The following UGT3A1 variants were observed in gnomAD, a reference collection of about 807,000 sequenced individuals.
UGT3A1 encodes the protein UDP-glycosyltransferase 3A1.
UGT3A1 carries 40 observed loss-of-function variants against 37.6 expected under a neutral mutation model. That is an observed-to-expected ratio of 1.06 (90% CI 0.83 to 1.38). UGT3A1 has a LOEUF of 1.38. Among genes scored for constraint, UGT3A1 ranks in the 40% most tolerant of loss-of-function variants. The pLI, the probability that UGT3A1 is intolerant of heterozygous loss-of-function variation, is 0.00. For synonymous variants in UGT3A1, 256 were observed against 232.3 expected (o/e 1.10, Z -0.93); for missense variants, 642 against 634.2 (o/e 1.01, Z -0.13).
intron 2 of UGT3A1, among the ~76,000 whole-genome samples, chr5:35,971,275 G>A (rs752010564): frequency 8.6e-5 from 13 of 152,024 alleles, no homozygotes; most frequent in East Asian, 5.8e-4. Context: ...ACAAAGGAAC[G>A]CACAAAAAGG....
upstream of UGT3A1, chr5:35,991,552 C>T: frequency 2.7e-6 from 3 of 1,113,706 alleles, no homozygotes; most frequent in Non-Finnish European, 3.3e-6. Context: ...CTGGAAAATC[C>T]TTACTAAGAG....
At chr5:35,971,615 T>G (rs1487648869) in intron 2 of UGT3A1, among the ~76,000 whole-genome samples, 5 of 152,062 alleles carry the variant, frequency 3.3e-5, no homozygotes, top group Non-Finnish European at 2.9e-5. Context: ...GAAGACCCAC[T>G]CTCTCCCTTT....
At position 35,990,091 on chromosome 5, in the gene UGT3A1, CA is replaced by C. The variant is rs397975621; in HGVS notation, c.94+1055del. ...TGGGCGACAGAGCAAGACTCCGTCT[CA>C]AAAAAAAAAAAAAAAAGAAAGAAAA... On this transcript the variant is annotated intron_variant, in intron 1 of 6. Transcript: ENST00000274278. Among the ~76,000 whole-genome samples, 705 of 115,346 alleles carry C rather than the reference CA, an allele frequency of 6.1e-3. 1 individual carries two copies. Among genetic ancestry groups the C allele is most frequent in the South Asian group, 0.023 (72 of 3,100 alleles). 75.7% of individuals were successfully genotyped at this position (115,346 alleles called of 152,430 possible). A position where few individuals can be genotyped will look rare whatever the true frequency, so the allele number is the denominator to read the frequency against.
intron 2 of UGT3A1, among the ~76,000 whole-genome samples, chr5:35,973,185 C>G (rs956937642): frequency 2.6e-5 from 4 of 152,188 alleles, no homozygotes; most frequent in African/African-American, 9.6e-5. Context: ...AGAAACTGTA[C>G]AGTCTCTTTC....
In UGT3A1 at chr5:35,954,261, T is replaced by G. The variant is rs1326250001; in HGVS notation, c.1513A>C (p.Lys505Gln). Reference sequence around the variant, plus strand: ...CACCTGGCCACCACACCCAGCAGCTTCCCACAAAGCCACATAGTGCCCAGA... The same window carrying G: ...CACCTGGCCACCACACCCAGCAGCTGCCCACAAAGCCACATAGTGCCCAGA... ...LTLGTMWLCG[K>Q]LLGVVARWLR... Residue 505 changes from lysine (K) to glutamine (Q), a missense_variant, in exon 7 of 7, where the codon AAG (lysine) becomes CAG (glutamine). Physicochemically the swap from Lys to Gln is moderately conservative, Grantham distance 53 (BLOSUM62 1). Coordinates refer to ENST00000274278, the MANE Select transcript of UGT3A1 (RefSeq NM_152404.4). 1 of 1,614,046 alleles carries G rather than the reference T, an allele frequency of 6.2e-7. No homozygotes were observed. Among genetic ancestry groups the G allele is most frequent in the Non-Finnish European group, 8.5e-7 (1 of 1,179,984 alleles).
chr5:35,962,758 C>T (rs1440310632), intron 4 of UGT3A1: 2 of 619,052 alleles, frequency 3.2e-6, no homozygotes, highest in East Asian at 2.8e-5. Context: ...ATAATTTGGC[C>T]AAACCTTTGT....
At chr5:35,988,661 G>A in intron 1 of UGT3A1, 110 bp from the exon 2 acceptor site, 1 of 799,750 alleles carries the variant, frequency 1.3e-6, no homozygotes, top group Non-Finnish European at 2.0e-6. Context: ...ATAGGGAAGA[G>A]GAAATGTGAA....
Position 35,952,039 on chromosome 5 carries a change from G to A in UGT3A1, c.*2163C>T, listed in dbSNP as rs564331649. Reference sequence around the variant, plus strand: ...AACAGATATTGTAATAAATAATTGCGATATAGTAAGAAAAATGCTTCAAAA... The same window carrying A: ...AACAGATATTGTAATAAATAATTGCAATATAGTAAGAAAAATGCTTCAAAA... On this transcript the variant is annotated 3_prime_UTR_variant, in exon 7 of 7. Coordinates refer to ENST00000274278, the MANE Select transcript of UGT3A1 (RefSeq NM_152404.4). 7.2e-5 allele frequency: 11 copies of A among 152,246 alleles called. No homozygotes were observed. In the East Asian group the frequency reaches 2.1e-3, roughly 29 times the overall value. The allele number at this position is 152,246 out of a possible 1,614,324, so 9.4% of individuals were successfully genotyped here. A position where few individuals can be genotyped will look rare whatever the true frequency, so the allele number is the denominator to read the frequency against.
At chr5:35,997,818 T>C (rs4288141) in intron 1 of UGT3A1, among the ~76,000 whole-genome samples, 78,930 of 152,082 alleles carry the variant, frequency 0.52, 21,370 homozygotes, top group South Asian at 0.66. Context: ...CTCAAGAAGA[T>C]AGTCTATATT....
chr5:35,994,050 T>C (rs1741033704), upstream of UGT3A1, among the ~76,000 whole-genome samples: 4 of 152,160 alleles, frequency 2.6e-5, no homozygotes, highest in Admixed American at 2.6e-4. Flanking sequence ...AAAAACTCCT[T>C]TTTTGTGGGA....
rs1440409668 is a variant in UGT3A1, at chr5:35,953,479, GT to G, written c.*722del. On this transcript the variant is annotated 3_prime_UTR_variant, in exon 7 of 7. Coordinates refer to ENST00000274278, the MANE Select transcript of UGT3A1 (RefSeq NM_152404.4). Reference sequence around the variant, plus strand: ...ATGGACTTTTTCTAAAATCAACAAAGTCTTTAAAACTACCTTAGCCACTGGT... The same window carrying G: ...ATGGACTTTTTCTAAAATCAACAAAGCTTTAAAACTACCTTAGCCACTGGT... 1 of 152,354 alleles carries G rather than the reference GT, an allele frequency of 6.6e-6. No homozygotes were observed. Among genetic ancestry groups the G allele is most frequent in the East Asian group, 1.9e-4 (1 of 5,344 alleles). The allele number at this position is 152,354 out of a possible 1,614,324, so 9.4% of individuals were successfully genotyped here.
intron 5 of UGT3A1, among the ~76,000 whole-genome samples, chr5:35,956,964 G>A (rs1228409437): frequency 6.6e-6 from 1 of 152,160 alleles, no homozygotes; most frequent in Non-Finnish European, 1.5e-5. Context: ...CCTCGCTTGG[G>A]TTAGAAAGAA....
intron 2 of UGT3A1, among the ~76,000 whole-genome samples, chr5:35,978,950 A>C (rs1237592102): frequency 1.3e-5 from 2 of 152,232 alleles, no homozygotes; most frequent in Non-Finnish European, 2.9e-5. Context: ...AAGGGGCTAC[A>C]GGTCTCATGC....
chr5:35,986,914 A>C (rs1358348575), intron 2 of UGT3A1, among the ~76,000 whole-genome samples: 1 of 152,144 alleles, frequency 6.6e-6, no homozygotes, highest in Non-Finnish European at 1.5e-5. Flanking sequence ...AATTATATAA[A>C]TGTATTATCA....
intron 4 of UGT3A1, among the ~76,000 whole-genome samples, chr5:35,960,090 T>C (rs978343855): frequency 6.6e-6 from 1 of 152,326 alleles, no homozygotes; most frequent in Non-Finnish European, 1.5e-5. Flanking sequence ...GGGACACTTA[T>C]TAAGATGTCA....
At chr5:35,997,920 C>T (rs1741134080) in intron 1 of UGT3A1, among the ~76,000 whole-genome samples, 1 of 152,236 alleles carries the variant, frequency 6.6e-6, no homozygotes, top group African/African-American at 2.4e-5. Context: ...GGCATATTAT[C>T]TCTGTCAAAG....
intron 2 of UGT3A1, among the ~76,000 whole-genome samples, chr5:35,980,207 G>A (rs1259977443): frequency 1.3e-5 from 2 of 152,086 alleles, no homozygotes; most frequent in African/African-American, 4.8e-5. Flanking sequence ...GTGGCCATGA[G>A]GAAGTAATAG....
At chr5:35,999,218 CAG>C (rs1741165667) in intron 1 of UGT3A1, among the ~76,000 whole-genome samples, 1 of 129,060 alleles carries the variant, frequency 7.7e-6, no homozygotes, top group Non-Finnish European at 1.6e-5. Flanking sequence ...GCCTGGGCCA[CAG>C]AGAGAGACTC....
rs1210348929 is a variant in UGT3A1, at chr5:35,955,856, T to C, written c.1084A>G (p.Ser362Gly). ...CCATGAGTGACAAAAAGACGGATGC[T>C]GGGGTGAGCTGTGGCAAATAAGAAA... Reference protein sequence around the residue: ...LPQSDLLAHPSIRLFVTHGGQ... With the variant: ...LPQSDLLAHPGIRLFVTHGGQ... The change falls in exon 6 of 7, where the codon AGC (serine) becomes GGC (glycine). Residue 362 changes from serine to glycine, a missense_variant. Physicochemically the swap from Ser to Gly is moderately conservative, Grantham distance 56 (BLOSUM62 0). Transcript: ENST00000274278. 1.9e-6 allele frequency: 3 copies of C among 1,613,726 alleles called. No homozygotes were observed. In the African/African-American group the frequency reaches 4.0e-5, roughly 22 times the overall value.
Sources: gnomAD v4.1 joint callset for allele counts (sites outside exome capture counted in the v4.1 genomes callset) on GRCh38, gnomAD v4.1.1 for gene constraint, MANE v1.5 for transcripts, NCBI Gene and HGNC (gene_info 2026-07-23, HGNC 2026-07-21) for gene names.